Variants in DCC observed in about 807,000 individuals in gnomAD.
DCC encodes the protein DCC netrin 1 receptor, also known as netrin receptor DCC.
Under a neutral mutation model 172.5 loss-of-function variants are expected in DCC, and 58 were observed. That is an observed-to-expected ratio of 0.34 (90% CI 0.27 to 0.42). The LOEUF (loss-of-function observed/expected upper bound fraction) is 0.42, where lower values mean the gene tolerates loss of function less well. Among genes scored for constraint, DCC ranks in the 10% least tolerant of loss-of-function variants. The pLI, the probability that DCC is intolerant of heterozygous loss-of-function variation, is 1.00. For synonymous variants in DCC, 709 were observed against 644.5 expected (o/e 1.10, Z -1.52); for missense variants, 1,740 against 1,791.0 (o/e 0.97, Z 0.51).
At chr18:53,463,814 C>A (rs1275021364) in intron 24 of DCC, among the ~76,000 whole-genome samples, 4 of 152,102 alleles carry the variant, frequency 2.6e-5, no homozygotes, top group African/African-American at 9.7e-5. Flanking sequence ...TTGTTTTGCG[C>A]CCATGAAATT....
chr18:52,475,889 C>T (rs575472118), intron 1 of DCC, among the ~76,000 whole-genome samples: 1 of 152,258 alleles, frequency 6.6e-6, no homozygotes, highest in South Asian at 2.1e-4. Context: ...CCATCTGCTC[C>T]CATTCCAACT....
At chr18:53,146,252 A>ACAGACT (rs2043911588) in intron 7 of DCC, among the ~76,000 whole-genome samples, 1 of 152,060 alleles carries the variant, frequency 6.6e-6, no homozygotes, top group Admixed American at 6.5e-5. Context: ...AACACCACAG[A>ACAGACT]CTGGGTGATT....
intron 1 of DCC, among the ~76,000 whole-genome samples, chr18:52,564,602 A>G (rs1305389573): frequency 6.9e-6 from 1 of 144,012 alleles, no homozygotes; most frequent in Admixed American, 7.1e-5. Flanking sequence ...ACTCTTCCAA[A>G]TTTAGATGTC....
At chr18:53,411,630 A>T (rs1909994531) in intron 20 of DCC, among the ~76,000 whole-genome samples, 1 of 152,152 alleles carries the variant, frequency 6.6e-6, no homozygotes, top group African/African-American at 2.4e-5. Flanking sequence ...CTAGTAAATA[A>T]GGGACTTTTG....
intron 7 of DCC, among the ~76,000 whole-genome samples, chr18:53,106,904 A>G (rs991508789): frequency 6.6e-6 from 1 of 151,912 alleles, no homozygotes. Context: ...TCTTCGTGTA[A>G]TTACTGTTTT....
chr18:53,044,773 A>G (rs1408432561), intron 5 of DCC, among the ~76,000 whole-genome samples: 1 of 151,910 alleles, frequency 6.6e-6, no homozygotes, highest in Non-Finnish European at 1.5e-5. Context: ...CACAATGCAG[A>G]AAATTTGTAC....
At chr18:52,624,351 T>C (rs1184558258) in intron 1 of DCC, among the ~76,000 whole-genome samples, 1 of 152,190 alleles carries the variant, frequency 6.6e-6, no homozygotes, top group African/African-American at 2.4e-5. Context: ...TGTTACATAG[T>C]TTTACTCAGA....
intron 18 of DCC, among the ~76,000 whole-genome samples, chr18:53,402,090 T>C (rs2145035329): frequency 1.3e-5 from 2 of 152,302 alleles, no homozygotes; most frequent in East Asian, 3.9e-4. Context: ...TTTTATCTCA[T>C]TTTAAAAACT....
intron 12 of DCC, among the ~76,000 whole-genome samples, chr18:53,233,376 C>A (rs1043467754): frequency 2.6e-5 from 4 of 152,124 alleles, no homozygotes; most frequent in Non-Finnish European, 5.9e-5. Context: ...AAGTAATATG[C>A]AGGGATAGAT....
chr18:52,814,438 A>G (rs1343432808), intron 2 of DCC, among the ~76,000 whole-genome samples: 1 of 151,932 alleles, frequency 6.6e-6, no homozygotes, highest in Non-Finnish European at 1.5e-5. Context: ...GAACTCTGAC[A>G]CCTCCTCTTT....
chr18:52,539,082 G>A (rs1000475585), intron 1 of DCC, among the ~76,000 whole-genome samples: 3 of 152,148 alleles, frequency 2.0e-5, no homozygotes, highest in Non-Finnish European at 4.4e-5. Context: ...GGGTTTGGAT[G>A]TTTGTTAGAA....
At chr18:53,342,440 A>G (rs1030386384) in intron 15 of DCC, among the ~76,000 whole-genome samples, 5 of 151,832 alleles carry the variant, frequency 3.3e-5, no homozygotes, top group Non-Finnish European at 5.9e-5. Flanking sequence ...AAAACTCACT[A>G]TCTACCTACC....
chr18:53,242,064 C>T (rs78053554), intron 12 of DCC, among the ~76,000 whole-genome samples: 1 of 152,178 alleles, frequency 6.6e-6, no homozygotes, highest in Non-Finnish European at 1.5e-5. Context: ...AAAAAGTTTT[C>T]CTGCTTCTCT....
rs1986605963 is a variant in DCC at position 52,405,419 on chromosome 18, A to G, written c.91+64541A>G. 2.2e-5 allele frequency among the ~76,000 whole-genome samples: 3 copies of G among 134,742 alleles called. No homozygotes were observed. In the South Asian group the frequency reaches 6.9e-4, roughly 31 times the overall value. The allele number at this position is 134,742 out of a possible 152,430, so 88.4% of individuals were successfully genotyped here. ...TGCATTTCTCTGATGGCCAGTGATG[A>G]TGAGCGTTTTTTCATGTGTTTTTTG... On this transcript the variant is annotated intron_variant, in intron 1 of 28. Coordinates refer to ENST00000442544, the MANE Select transcript of DCC (RefSeq NM_005215.4).
intron 7 of DCC, among the ~76,000 whole-genome samples, chr18:53,151,652 T>C (rs975522483): frequency 2.0e-5 from 3 of 149,206 alleles, no homozygotes; most frequent in Non-Finnish European, 3.0e-5. Flanking sequence ...AACAAATAAA[T>C]AAATGATTAT....
At chr18:53,316,370 T>C (rs556435466) in intron 13 of DCC, among the ~76,000 whole-genome samples, 37 of 152,290 alleles carry the variant, frequency 2.4e-4, no homozygotes, top group Non-Finnish European at 3.7e-4. Context: ...ATAGTATAGA[T>C]TGAAGTCAGG....
At chr18:53,349,763 G>A (rs930417879) in intron 15 of DCC, among the ~76,000 whole-genome samples, 4 of 152,096 alleles carry the variant, frequency 2.6e-5, no homozygotes, top group Admixed American at 1.3e-4. Context: ...TCACTATCAC[G>A]AGAGCAATGC....
intron 24 of DCC, among the ~76,000 whole-genome samples, chr18:53,463,639 C>G (rs566783641): frequency 6.6e-6 from 1 of 152,090 alleles, no homozygotes; most frequent in South Asian, 2.1e-4. Flanking sequence ...TGCTATCATT[C>G]TTTTCATATA....
At chr18:52,830,142 C>T (rs1011119258) in intron 2 of DCC, among the ~76,000 whole-genome samples, 3 of 152,128 alleles carry the variant, frequency 2.0e-5, no homozygotes, top group Admixed American at 1.3e-4. Context: ...GAGGAAGATG[C>T]AGTGGAGATA....
Sources: allele counts gnomAD v4.1 joint callset (sites outside exome capture counted in the v4.1 genomes callset), GRCh38; gene constraint gnomAD v4.1.1; transcripts MANE v1.5; gene names NCBI Gene and HGNC (gene_info 2026-07-23, HGNC 2026-07-21).